Variants in HMCN1 observed in about 807,000 individuals in gnomAD.
HMCN1 encodes the protein hemicentin-1.
A neutral mutation model predicts 625.9 loss-of-function variants in HMCN1; 321 were observed. The observed-to-expected ratio is 0.51, with a 90% CI of 0.47 to 0.56. The LOEUF (loss-of-function observed/expected upper bound fraction) is 0.56. Ranked by LOEUF, HMCN1 falls within the 20% of genes least tolerant of loss-of-function variation. The pLI is 0.00. For missense variants in HMCN1, 6,588 were observed against 6,887.3 expected (o/e 0.96, Z 1.54); for synonymous variants, 2,425 against 2,417.6 (o/e 1.00, Z -0.09).
chr1:185,941,197 G>A lies in HMCN1; in HGVS notation c.1828+7373G>A, dbSNP rs535219519. Among the ~76,000 whole-genome samples, 5 of 152,224 alleles carry A rather than the reference G, an allele frequency of 3.3e-5. No individual in the cohort carries two copies. In the South Asian group the frequency reaches 1.0e-3, roughly 32 times the overall value. Reference sequence around the variant, plus strand: ...AGAGTATGAGATGTATTTAAAAATGGTAAGTTCATGGAATTTACTTTAAGA... The same window carrying A: ...AGAGTATGAGATGTATTTAAAAATGATAAGTTCATGGAATTTACTTTAAGA... On this transcript the variant is annotated intron_variant, in intron 11 of 106. Transcript: ENST00000271588.
intron 103 of HMCN1, among the ~76,000 whole-genome samples, chr1:186,176,601 GA>G (rs1652596935): frequency 1.3e-5 from 2 of 152,196 alleles, no homozygotes; most frequent in African/African-American, 4.8e-5. Context: ...CTTTGTGTTG[GA>G]TGATGTTCTA....
intron 22 of HMCN1, 68 bp downstream of exon 22, chr1:185,990,511 C>G: frequency 7.4e-7 from 1 of 1,352,310 alleles, no homozygotes; most frequent in Non-Finnish European, 1.1e-6. Context: ...ATGGCCATGC[C>G]TATTCAGGTT....
intron 1 of HMCN1, among the ~76,000 whole-genome samples, chr1:185,758,174 A>G (rs373967891): frequency 1.9e-4 from 29 of 152,106 alleles, no homozygotes; most frequent in Admixed American, 1.4e-3. Context: ...TGCCCATGCC[A>G]TTTTCTCAGC....
intron 95 of HMCN1, among the ~76,000 whole-genome samples, chr1:186,151,953 C>T (rs1241014077): frequency 6.6e-6 from 1 of 152,136 alleles, no homozygotes; most frequent in Non-Finnish European, 1.5e-5. Flanking sequence ...ATTTTATACC[C>T]TAAAAGTTTT....
In HMCN1 at chr1:186,019,602, C is replaced by T. The variant is rs572429026; in HGVS notation, c.5532C>T (p.Val1844=). Reference sequence around the variant, plus strand: ...GAGTTGTGGTAAAATACAAGCCTGTCGCCTTGCAGTGCATAGCCAATGGGA... The same window carrying T: ...GAGTTGTGGTAAAATACAAGCCTGTTGCCTTGCAGTGCATAGCCAATGGGA... ...SERVVVKYKP[V]ALQCIANGIP... is the part of the protein sequence containing the mutation. The change falls in exon 35 of 107, where the codon GTC becomes GTT. Residue 1844 remains valine (V), a synonymous_variant. Coordinates refer to ENST00000271588, the MANE Select transcript of HMCN1 (RefSeq NM_031935.3). The T allele has an allele frequency of 2.5e-5, 40 of 1,609,244 alleles. No homozygotes were observed. Among genetic ancestry groups the T allele is most frequent in the South Asian group, 2.3e-4 (21 of 90,976 alleles).
rs147083811 is a variant in HMCN1 at position 186,090,724 on chromosome 1, CTTG to C, written c.9728-31_9728-29del. 2.9e-3 allele frequency: 4,631 copies of C among 1,608,866 alleles called. 118 individuals carry two copies. In the South Asian group the frequency reaches 0.037, roughly 13 times the overall value. ...TTACATTAGAATTTATATCCTGTGTCTTGTTAATGAAATTCCTAATTATTTCTC... is the reference window on the plus strand; with the variant it reads ...TTACATTAGAATTTATATCCTGTGTCTTAATGAAATTCCTAATTATTTCTC... On this transcript the variant is annotated intron_variant, in intron 63 of 106. Coordinates refer to ENST00000271588, the MANE Select transcript of HMCN1 (RefSeq NM_031935.3).
Position 186,132,313 on chromosome 1 carries a change from T to C in HMCN1, c.13231-15T>C, listed in dbSNP as rs749657544. On this transcript the variant is annotated splice_polypyrimidine_tract_variant and intron_variant, in intron 85 of 106. Transcript: ENST00000271588. ...TAGGCTCATATTTTTGTAAAAACGC[T>C]GCTTATTTCCATAGAATGAAGATGC... is the stretch of plus-strand genomic sequence containing the variant. 10 of 1,605,838 alleles carry C rather than the reference T, an allele frequency of 6.2e-6. No individual in the cohort carries two copies. The highest frequency in any genetic ancestry group is 5.4e-5 in the African/African-American group (4 of 74,662).
intron 1 of HMCN1, among the ~76,000 whole-genome samples, chr1:185,782,228 G>A (rs2102177075): frequency 6.6e-6 from 1 of 152,088 alleles, no homozygotes; most frequent in African/African-American, 2.4e-5. Flanking sequence ...TTTATTTTGA[G>A]CCTATGTGTT....
intron 82 of HMCN1, among the ~76,000 whole-genome samples, chr1:186,126,429 A>G (rs891805794): frequency 6.6e-6 from 1 of 152,140 alleles, no homozygotes; most frequent in Non-Finnish European, 1.5e-5. Context: ...AAAATGAAAA[A>G]TAGTAATGTC....
Position 186,153,756 on chromosome 1 carries a change from A to G in HMCN1, c.15025A>G (p.Thr5009Ala). 1 of 1,613,780 alleles carries G rather than the reference A, an allele frequency of 6.2e-7. No individual in the cohort carries two copies. The highest frequency in any genetic ancestry group is 8.5e-7 in the Non-Finnish European group (1 of 1,179,690). The change falls in exon 97 of 107, where the codon ACA becomes GCA. Residue 5009 changes from threonine to alanine, a missense_variant. Around this residue, in one of 3 missense-constraint regions of HMCN1, gnomAD observed 1,954 missense variants for 2,013.1 expected, o/e 0.97. Transcript: ENST00000271588. The part of the protein sequence containing the change: ...SPAEVTVKDY[T>A]EDYIQTGPGQ... ...TCCACATTGTTCTCCTTAGGATTAC[A>G]CAGAGGACTACATTCAAACAGGTCC... is the stretch of plus-strand genomic sequence containing the variant.
At chr1:185,948,465 T>C (rs1278824018) in intron 11 of HMCN1, among the ~76,000 whole-genome samples, 40 of 138,006 alleles carry the variant, frequency 2.9e-4, no homozygotes, top group African/African-American at 7.5e-4. Context: ...TGTTCTCTGG[T>C]GGGCAGGAGT....
chr1:185,787,801 A>G (rs774810491), intron 1 of HMCN1, among the ~76,000 whole-genome samples: 1 of 152,102 alleles, frequency 6.6e-6, no homozygotes, highest in Non-Finnish European at 1.5e-5. Context: ...TTTATGATAC[A>G]TTTTTTCTAT....
At chr1:186,025,813 A>G (rs192885462) in intron 36 of HMCN1, among the ~76,000 whole-genome samples, 1 of 152,282 alleles carries the variant, frequency 6.6e-6, no homozygotes, top group African/African-American at 2.4e-5. Context: ...TCATTTTAAG[A>G]GCTTATTAAA....
intron 1 of HMCN1, among the ~76,000 whole-genome samples, chr1:185,841,372 A>G (rs958288515): frequency 6.6e-6 from 1 of 152,192 alleles, no homozygotes; most frequent in African/African-American, 2.4e-5. Flanking sequence ...TTCTGTATCA[A>G]CTTTACTTGA....
rs374629223 is a variant in HMCN1 at position 186,172,013 on chromosome 1, C to T, written c.15696C>T (p.Asn5232=). Residue 5232 remains asparagine, a synonymous_variant, in exon 102 of 107, where the codon AAC becomes AAT. Coordinates refer to ENST00000271588, the MANE Select transcript of HMCN1 (RefSeq NM_031935.3). ...CTTTGTTCTTTTATCAAGATGTGAA[C>T]GAGTGTAGACAAAATGTATGCAGAC... The part of the protein sequence containing the change: ...QLKGRKCMDV[N]ECRQNVCRPD... 75 of 1,612,744 alleles carry T rather than the reference C, an allele frequency of 4.7e-5. No homozygotes were observed. Among genetic ancestry groups the T allele is most frequent in the Non-Finnish European group, 5.9e-5 (70 of 1,179,150 alleles).
intron 32 of HMCN1, 73 bp from the exon 33 acceptor site, chr1:186,016,889 AT>A: frequency 1.2e-6 from 1 of 833,064 alleles, no homozygotes; most frequent in Non-Finnish European, 2.1e-6. Flanking sequence ...ACTGCTATGT[AT>A]TATTGCTTCA....
At chr1:185,803,292 G>A (rs1163363060) in intron 1 of HMCN1, among the ~76,000 whole-genome samples, 1 of 149,600 alleles carries the variant, frequency 6.7e-6, no homozygotes, top group East Asian at 2.0e-4. Context: ...ATAAGGTCCT[G>A]TAAACTTACT....
At chr1:186,094,238 G>A in intron 66 of HMCN1, 38 bp from the exon 67 acceptor site, 2 of 1,417,932 alleles carry the variant, frequency 1.4e-6, no homozygotes, top group Non-Finnish European at 2.0e-6. Context: ...TTGTTGTATG[G>A]GAGCAAGTGA....
intron 105 of HMCN1, among the ~76,000 whole-genome samples, chr1:186,187,233 A>T (rs373407740): frequency 2.4e-4 from 36 of 151,906 alleles, no homozygotes; most frequent in African/African-American, 8.7e-4. Flanking sequence ...TCCCACTACC[A>T]AACAACAGAG....
Sources: allele counts gnomAD v4.1 joint callset (sites outside exome capture counted in the v4.1 genomes callset), GRCh38; gene constraint gnomAD v4.1.1; regional missense constraint gnomAD v4.1.1; transcripts MANE v1.5; gene names NCBI Gene and HGNC (gene_info 2026-07-23, HGNC 2026-07-21).